UGGT2: variants seen among roughly 807,000 people sequenced by gnomAD.
UGGT2 encodes the protein UDP-glucose:glycoprotein glucosyltransferase 2.
In UGGT2, 180 loss-of-function variants were observed where a neutral mutation model predicts 192.1. That is an observed-to-expected ratio of 0.94 (90% CI 0.83 to 1.06). The LOEUF is 1.06. UGGT2 is among the 50% of genes least tolerant of loss of function. UGGT2 has a pLI of 0.00. For synonymous variants in UGGT2, 580 were observed against 591.0 expected (o/e 0.98, Z 0.27); for missense variants, 1,849 against 1,795.7 (o/e 1.03, Z -0.54).
At chr13:96,020,935 G>A (rs945180677) in intron 4 of UGGT2, among the ~76,000 whole-genome samples, 6 of 152,202 alleles carry the variant, frequency 3.9e-5, no homozygotes, top group African/African-American at 1.4e-4. Context: ...TGACTTTACT[G>A]CTCATGACAT....
chr13:95,847,910 G>A (rs1162901052), intron 36 of UGGT2, among the ~76,000 whole-genome samples: 1 of 152,182 alleles, frequency 6.6e-6, no homozygotes, highest in Non-Finnish European at 1.5e-5. Context: ...ATACCATTTT[G>A]TACTCTTCTC....
chr13:95,985,133 G>C, intron 9 of UGGT2: 1 of 488,234 alleles, frequency 2.0e-6, no homozygotes, highest in Non-Finnish European at 3.2e-6. Flanking sequence ...TCAACTGTCT[G>C]ATCAAGACTA....
Position 95,897,048 on chromosome 13 carries a change from A to T in UGGT2, c.2635-1744T>A, listed in dbSNP as rs142128517. Among the ~76,000 whole-genome samples the T allele has an allele frequency of 2.4e-3, 363 of 152,242 alleles. 1 individual carries two copies. The highest frequency in any genetic ancestry group is 8.4e-3 in the African/African-American group (349 of 41,576). ...ACTTTTAGCTAGTGTAACACAAATT[A>T]AGTCTACAAATGCCCATTATTTTTC... On this transcript the variant is annotated intron_variant, in intron 22 of 38. Transcript: ENST00000376747.
intron 10 of UGGT2, 98 bp downstream of exon 10, chr13:95,983,706 A>C: frequency 1.1e-6 from 1 of 949,170 alleles, no homozygotes; most frequent in South Asian, 1.7e-5. Context: ...AAAAAAGCAC[A>C]AATTACTATT....
rs1048291535 is a variant in UGGT2 at position 95,932,398 on chromosome 13, T to C, written c.1977+4526A>G. Among the ~76,000 whole-genome samples, 5 of 151,456 alleles carry C rather than the reference T, an allele frequency of 3.3e-5. No individual in the cohort carries two copies. In the South Asian group the frequency reaches 1.1e-3, roughly 32 times the overall value. ...TGCATTCTTGATTTGGCTCTCAGCT[T>C]GAATGTTATTGGTCTATAGAAATGC... On this transcript the variant is annotated intron_variant, in intron 17 of 38. Transcript: ENST00000376747.
chr13:96,003,425 A>G (rs998530448), intron 5 of UGGT2, among the ~76,000 whole-genome samples: 4 of 152,134 alleles, frequency 2.6e-5, no homozygotes, highest in Non-Finnish European at 5.9e-5. Context: ...ACTCCTTCCC[A>G]TGTCCAGACT....
intron 20 of UGGT2, among the ~76,000 whole-genome samples, chr13:95,913,872 G>T (rs765795701): frequency 1.9e-4 from 29 of 152,152 alleles, no homozygotes; most frequent in South Asian, 6.2e-4. Context: ...TTAAGAAAAT[G>T]TGGCACGTAT....
chr13:95,806,261 T>C (rs1884302167), intron 38 of UGGT2, among the ~76,000 whole-genome samples: 2 of 152,158 alleles, frequency 1.3e-5, no homozygotes, highest in South Asian at 4.1e-4. Context: ...GGCAGGAATA[T>C]GGGTAGCCTG....
In UGGT2 at chr13:96,029,296, TA is replaced by T. The variant is rs1050821027; in HGVS notation, c.241+2592del. Among the ~76,000 whole-genome samples the T allele has an allele frequency of 6.7e-4, 102 of 151,842 alleles. 1 individual carries two copies. Among genetic ancestry groups the T allele is most frequent in the African/African-American group, 1.9e-3 (79 of 41,432 alleles). Reference sequence around the variant, plus strand: ...ATATTTTAAGTGTTATTTATTTATTTATTTTTTTGAGTCAGAGTCTCACTCT... The same window carrying T: ...ATATTTTAAGTGTTATTTATTTATTTTTTTTTTGAGTCAGAGTCTCACTCT... On this transcript the variant is annotated intron_variant, in intron 2 of 38. Transcript: ENST00000376747.
intron 17 of UGGT2, among the ~76,000 whole-genome samples, chr13:95,931,343 T>TC (rs2049257055): frequency 6.6e-6 from 1 of 152,096 alleles, no homozygotes. Context: ...GTTCTCCAAG[T>TC]CCCCACTAGA....
intron 30 of UGGT2, among the ~76,000 whole-genome samples, chr13:95,865,169 A>C (rs991284838): frequency 6.6e-6 from 1 of 151,982 alleles, no homozygotes; most frequent in Admixed American, 6.6e-5. Flanking sequence ...TTTCTCTCTC[A>C]GCTTTACAAC....
At chr13:95,860,683 G>T in intron 32 of UGGT2, 105 bp downstream of exon 32, 1 of 586,206 alleles carries the variant, frequency 1.7e-6, no homozygotes. Flanking sequence ...AGGAAACAGA[G>T]GTGGGAGTTT....
intron 22 of UGGT2, among the ~76,000 whole-genome samples, chr13:95,896,842 A>C (rs934155464): frequency 6.6e-6 from 1 of 152,100 alleles, no homozygotes; most frequent in African/African-American, 2.4e-5. Flanking sequence ...AATCTTCTTC[A>C]TAACATTTGA....
chr13:95,943,766 A>G (rs2049770726), intron 15 of UGGT2, among the ~76,000 whole-genome samples: 1 of 151,998 alleles, frequency 6.6e-6, no homozygotes, highest in Non-Finnish European at 1.5e-5. Flanking sequence ...AATATTTTAA[A>G]TGAGTATTTC....
At chr13:95,965,868 C>T (rs1020511496) in intron 12 of UGGT2, among the ~76,000 whole-genome samples, 1 of 152,002 alleles carries the variant, frequency 6.6e-6, no homozygotes, top group Non-Finnish European at 1.5e-5. Flanking sequence ...GTTAGAATGG[C>T]TATCATTAAA....
chr13:96,038,549 G>C (rs1287031950), intron 1 of UGGT2, among the ~76,000 whole-genome samples: 1 of 152,182 alleles, frequency 6.6e-6, no homozygotes, highest in East Asian at 1.9e-4. Context: ...ATAACGCCAT[G>C]TTTGTACTGG....
intron 22 of UGGT2, 106 bp downstream of exon 22, chr13:95,900,701 G>A (rs1044989994): frequency 2.6e-5 from 32 of 1,251,648 alleles, no homozygotes; most frequent in Middle Eastern, 4.0e-4. Flanking sequence ...CATGAACACC[G>A]TCCTCTGTGT....
intron 10 of UGGT2, chr13:95,983,572 C>T (rs2051195304): frequency 1.7e-6 from 1 of 599,104 alleles, no homozygotes; most frequent in Non-Finnish European, 3.2e-6. Flanking sequence ...AACCATACTA[C>T]CTCGGAAGAA....
intron 10 of UGGT2, among the ~76,000 whole-genome samples, chr13:95,979,593 C>A (rs898658986): frequency 7.1e-6 from 1 of 141,458 alleles, no homozygotes; most frequent in African/African-American, 2.6e-5. Flanking sequence ...GCCCTGCCAA[C>A]TTTTTGAAAT....
Sources: gnomAD v4.1 joint callset for allele counts (sites outside exome capture counted in the v4.1 genomes callset) on GRCh38, gnomAD v4.1.1 for gene constraint, MANE v1.5 for transcripts, NCBI Gene and HGNC (gene_info 2026-07-23, HGNC 2026-07-21) for gene names.